Variants in ADAM23 observed in about 807,000 individuals in gnomAD.
The protein encoded by ADAM23 is ADAM metallopeptidase domain 23.
ADAM23 carries 33 observed loss-of-function variants against 120.1 expected under a neutral mutation model. The observed-to-expected ratio is 0.27, with a 90% confidence interval of 0.21 to 0.37. The LOEUF (loss-of-function observed/expected upper bound fraction) is 0.37. Among genes scored for constraint, ADAM23 ranks in the 10% least tolerant of loss-of-function variants. The probability of loss-of-function intolerance (pLI) is 1.00; values close to 1 mark genes in which losing one functional copy is unlikely to be tolerated. For missense variants in ADAM23, 862 were observed against 1,058.2 expected (o/e 0.81, Z 2.57); for synonymous variants, 367 against 375.2 (o/e 0.98, Z 0.25).
intron 6 of ADAM23, 64 bp from the exon 7 acceptor site, chr2:206,547,365 C>A: frequency 7.3e-7 from 1 of 1,369,002 alleles, no homozygotes; most frequent in South Asian, 1.3e-5. Context: ...AAAGTTCCAA[C>A]ACTGTTTCAT....
chr2:206,596,136 A>T lies in ADAM23; in HGVS notation c.2333A>T (p.His778Leu). 6.2e-7 allele frequency: 1 copy of T among 1,613,580 alleles called. No individual in the cohort carries two copies. ...ATCCGGGATCCAGTTAGGAACCTTCACCCCCCCAAGGATGAAGGACCCAAG... is the reference window on the plus strand; with the variant it reads ...ATCCGGGATCCAGTTAGGAACCTTCTCCCCCCCAAGGATGAAGGACCCAAG... ...CSIRDPVRNL[H>L]PPKDEGPKGP... The change falls in exon 24 of 26, where the codon CAC (histidine) becomes CTC (leucine). Residue 778 changes from histidine (H) to leucine (L), a missense_variant. Transcript: ENST00000264377.
chr2:206,548,361 G>A lies in ADAM23; in HGVS notation c.867+7G>A, dbSNP rs781104220. The A allele has an allele frequency of 1.2e-6, 2 of 1,606,544 alleles. No individual in the cohort carries two copies. Among genetic ancestry groups the A allele is most frequent in the East Asian group, 2.2e-5 (1 of 44,868 alleles). ...AAGGAAGAGAGCAGTGAATGTGAGTGTGGCATTGAGCCTTGGGTGGGCCTA... is the reference window on the plus strand; with the variant it reads ...AAGGAAGAGAGCAGTGAATGTGAGTATGGCATTGAGCCTTGGGTGGGCCTA... On this transcript the variant is annotated splice_region_variant and intron_variant, in intron 8 of 25. Coordinates refer to ENST00000264377, the MANE Select transcript of ADAM23 (RefSeq NM_003812.4).
intron 18 of ADAM23, among the ~76,000 whole-genome samples, chr2:206,578,934 T>C (rs1222746208): frequency 2.0e-5 from 3 of 152,208 alleles, no homozygotes; most frequent in African/African-American, 7.2e-5. Flanking sequence ...ATGGCCATTC[T>C]TGCAGGAGTA....
At position 206,618,646 on chromosome 2, in the gene ADAM23, T is replaced by C. The variant is rs1698982300; in HGVS notation, c.*1019T>C. The C allele has an allele frequency of 6.6e-6, 1 of 152,168 alleles. No individual in the cohort carries two copies. Among genetic ancestry groups the C allele is most frequent in the Admixed American group, 6.5e-5 (1 of 15,270 alleles). 9.4% of individuals were successfully genotyped at this position (152,168 alleles called of 1,614,324 possible). ...TTAAAAAGACAGATATAGCCACAGA[T>C]GCAGGGAGTTTGGGCACAAAACACG... On this transcript the variant is annotated 3_prime_UTR_variant, in exon 26 of 26. Coordinates refer to ENST00000264377, the MANE Select transcript of ADAM23 (RefSeq NM_003812.4).
chr2:206,457,209 A>C (rs987703036), intron 2 of ADAM23, among the ~76,000 whole-genome samples: 1 of 152,212 alleles, frequency 6.6e-6, no homozygotes, highest in Non-Finnish European at 1.5e-5. Flanking sequence ...GGTTTTATTG[A>C]GGCACTTTCA....
At chr2:206,490,630 G>T (rs2269183) in intron 3 of ADAM23, among the ~76,000 whole-genome samples, 120,395 of 152,130 alleles carry the variant, frequency 0.79, 48,098 homozygotes, top group African/African-American at 0.87. Context: ...ATATTGCATT[G>T]TATATGTCCT....
chr2:206,517,922 A>G (rs778172226), intron 3 of ADAM23, among the ~76,000 whole-genome samples: 1 of 152,204 alleles, frequency 6.6e-6, no homozygotes, highest in Non-Finnish European at 1.5e-5. Flanking sequence ...AAAGACCTAA[A>G]TAGAATAGTT....
intron 13 of ADAM23, among the ~76,000 whole-genome samples, chr2:206,563,261 C>T (rs1414167388): frequency 6.6e-6 from 1 of 152,112 alleles, no homozygotes; most frequent in Non-Finnish European, 1.5e-5. Flanking sequence ...TCACTTACCA[C>T]CCCAACCTCC....
chr2:206,594,928 G>C, intron 23 of ADAM23, 23 bp downstream of exon 23: 1 of 1,613,082 alleles, frequency 6.2e-7, no homozygotes, highest in Non-Finnish European at 8.5e-7. Flanking sequence ...CAATGTGACA[G>C]CTGGAACCTT....
In ADAM23 at chr2:206,589,661, T is replaced by G; in HGVS notation, c.1958+147T>G. 8.7e-6 allele frequency: 5 copies of G among 572,758 alleles called. 1 individual carries two copies. The South Asian group carries it at 2.0e-4, about 23-fold the overall frequency. The allele number at this position is 572,758 out of a possible 1,614,324, so 35.5% of individuals were successfully genotyped here. ...AAGTATTTATTTTTAATAGGTATTATTATATCTAGAGGCAAATGGCTATAG... is the reference window on the plus strand; with the variant it reads ...AAGTATTTATTTTTAATAGGTATTAGTATATCTAGAGGCAAATGGCTATAG... On this transcript the variant is annotated intron_variant, in intron 21 of 25. Transcript: ENST00000264377.
chr2:206,545,385 C>A (rs1157788158), intron 6 of ADAM23, among the ~76,000 whole-genome samples: 1 of 152,088 alleles, frequency 6.6e-6, no homozygotes, highest in Non-Finnish European at 1.5e-5. Flanking sequence ...AGTGGGGAGG[C>A]TGAGGCAGAA....
rs112038590 is a variant in ADAM23, at chr2:206,600,277, T to A, written c.2359+4115T>A. 3.9e-5 allele frequency among the ~76,000 whole-genome samples: 6 copies of A among 152,328 alleles called. 1 individual carries two copies. The highest frequency in any genetic ancestry group is 1.4e-4 in the African/African-American group (6 of 41,586). On this transcript the variant is annotated intron_variant, in intron 24 of 25. Transcript: ENST00000264377. ...CTGGTTTGGTTGGCACCTGCCTGAT[T>A]GAGCACAGTGTTTGGGCCCTCCCCA...
chr2:206,545,909 T>G (rs1574525390), intron 6 of ADAM23, among the ~76,000 whole-genome samples: 1 of 152,320 alleles, frequency 6.6e-6, no homozygotes, highest in East Asian at 1.9e-4. Flanking sequence ...AAATAATAAC[T>G]ATTTAAGCCT....
At chr2:206,605,990 T>C (rs1698722045) in intron 24 of ADAM23, 2 of 580,882 alleles carry the variant, frequency 3.4e-6, no homozygotes, top group Non-Finnish European at 6.1e-6. Flanking sequence ...CCTGTGGTAG[T>C]GCACCTTGTG....
intron 25 of ADAM23, among the ~76,000 whole-genome samples, chr2:206,612,158 G>T (rs1698838802): frequency 6.6e-6 from 1 of 152,162 alleles, no homozygotes; most frequent in Admixed American, 6.5e-5. Flanking sequence ...GGTGACTGTT[G>T]GTTGCTACAT....
At chr2:206,562,627 G>A (rs1272968245) in intron 13 of ADAM23, among the ~76,000 whole-genome samples, 1 of 152,172 alleles carries the variant, frequency 6.6e-6, no homozygotes, top group Admixed American at 6.5e-5. Context: ...GCTAGATAAA[G>A]CCTCCATCAC....
chr2:206,561,192 A>G lies in ADAM23; in HGVS notation c.1234A>G (p.Arg412Gly), dbSNP rs764071879. 1 of 1,614,006 alleles carries G rather than the reference A, an allele frequency of 6.2e-7. No individual in the cohort carries two copies. The highest frequency in any genetic ancestry group is 1.1e-5 in the South Asian group (1 of 91,076). ...SYFGGVCSRT[R>G]GVGVNEYGLP... ...CTTTGGAGGTGTCTGTTCTCGCACAAGAGGAGTTGGTGTGAATGAGGTAAA... is the reference window on the plus strand; with the variant it reads ...CTTTGGAGGTGTCTGTTCTCGCACAGGAGGAGTTGGTGTGAATGAGGTAAA... Residue 412 changes from arginine to glycine, a missense_variant, in exon 12 of 26, where the codon AGA (arginine) becomes GGA (glycine). Around this residue, in one of 4 missense-constraint regions of ADAM23, gnomAD observed 617 missense variants for 813.5 expected, o/e 0.76. Transcript: ENST00000264377.
At chr2:206,454,627 G>C (rs11890475) in intron 2 of ADAM23, among the ~76,000 whole-genome samples, 1 of 152,048 alleles carries the variant, frequency 6.6e-6, no homozygotes, top group African/African-American at 2.4e-5. Context: ...CCTTCTACCT[G>C]TGAGTCTGTA....
At chr2:206,579,228 T>G (rs1338991686) in intron 18 of ADAM23, among the ~76,000 whole-genome samples, 1 of 152,244 alleles carries the variant, frequency 6.6e-6, no homozygotes, top group East Asian at 1.9e-4. Flanking sequence ...CAAAAGTTCT[T>G]TAGTTTAATT....
Sources: allele counts gnomAD v4.1 joint callset (sites outside exome capture counted in the v4.1 genomes callset), GRCh38; gene constraint gnomAD v4.1.1; regional missense constraint gnomAD v4.1.1; transcripts MANE v1.5; gene names NCBI Gene and HGNC (gene_info 2026-07-23, HGNC 2026-07-21).